The following ATP11C variants were observed in gnomAD, a reference collection of about 807,000 sequenced individuals.
ATP11C encodes the protein ATPase phospholipid transporting 11C (ATP11C blood group).
Under a neutral mutation model 97.4 loss-of-function variants are expected in ATP11C, and 36 were observed. That is an observed-to-expected ratio of 0.37 (90% CI 0.28 to 0.49). The LOEUF is 0.49. Ranked by LOEUF, ATP11C falls within the 20% of genes least tolerant of loss-of-function variation. The pLI is 0.98. For missense variants in ATP11C, 730 were observed against 824.6 expected (o/e 0.89, Z 1.40); for synonymous variants, 275 against 290.9 (o/e 0.95, Z 0.56).
chrX:139,933,823 A>T (rs1286401912), upstream of ATP11C, among the ~76,000 whole-genome samples: 1 of 112,402 alleles, frequency 8.9e-6, no homozygotes, highest in Non-Finnish European at 1.9e-5. Flanking sequence ...TTTTCTTTGT[A>T]CCAGGCACTG....
chrX:139,870,781 G>C (rs1368337363), intron 1 of ATP11C, among the ~76,000 whole-genome samples: 1 of 112,099 alleles, frequency 8.9e-6, no homozygotes, highest in Non-Finnish European at 1.9e-5. Context: ...ACGCGGCCAG[G>C]CGCGGTGGCT....
intron 28 of ATP11C, among the ~76,000 whole-genome samples, chrX:139,736,145 T>C (rs187440198): frequency 3.6e-5 from 4 of 111,084 alleles, no homozygotes; most frequent in Non-Finnish European, 7.6e-5. Flanking sequence ...AACTCCGTAC[T>C]TTCAACAGAA....
chrX:139,728,335 C>T lies in ATP11C; in HGVS notation c.*631G>A, dbSNP rs1165024716. Reference sequence around the variant, plus strand: ...CGTAAGTTAACACTTTCCACATAAGCGTTCAAGGTATTTTTTTGGCAAGAA... The same window carrying T: ...CGTAAGTTAACACTTTCCACATAAGTGTTCAAGGTATTTTTTTGGCAAGAA... On this transcript the variant is annotated 3_prime_UTR_variant, in exon 30 of 30. Transcript: ENST00000682941. The T allele has an allele frequency of 8.9e-6, 1 of 112,059 alleles. No individual in the cohort carries two copies. The highest frequency in any genetic ancestry group is 3.2e-5 in the African/African-American group (1 of 30,866). The allele number at this position is 112,059 out of a possible 1,213,427, so 9.2% of individuals were successfully genotyped here. A position where few individuals can be genotyped will look rare whatever the true frequency, so the allele number is the denominator to read the frequency against.
chrX:139,892,782 C>A lies in ATP11C; in HGVS notation c.27+39234G>T, dbSNP rs190697558. On this transcript the variant is annotated intron_variant, in intron 1 of 29. Transcript: ENST00000682941. ...CTAGCAGTCTGAGGTTCCCAAAATT[C>A]TCTCTAACTCAAGACAGGCTAAGAC... is the stretch of plus-strand genomic sequence containing the variant. Among the ~76,000 whole-genome samples the A allele has an allele frequency of 1.7e-3, 190 of 111,666 alleles. 1 individual carries two copies. The highest frequency in any genetic ancestry group is 2.7e-3 in the Non-Finnish European group (143 of 53,167).
At chrX:139,848,182 C>A (rs972665075) in intron 1 of ATP11C, among the ~76,000 whole-genome samples, 2 of 111,739 alleles carry the variant, frequency 1.8e-5, no homozygotes, top group South Asian at 7.6e-4. Context: ...TCACTTATTG[C>A]CCATTGGCTG....
chrX:139,840,735 TTTTAAG>T (rs1381957977), intron 1 of ATP11C, among the ~76,000 whole-genome samples: 6 of 111,922 alleles, frequency 5.4e-5, no homozygotes, highest in African/African-American at 1.9e-4. Flanking sequence ...GCTGTTCTCT[TTTTAAG>T]TTTATCTCAC....
At chrX:139,859,632 C>T (rs1055609575) in intron 1 of ATP11C, among the ~76,000 whole-genome samples, 27 of 111,854 alleles carry the variant, frequency 2.4e-4, no homozygotes, top group African/African-American at 3.2e-5. Context: ...TCAACCCTCA[C>T]GTAAACAGTA....
intron 2 of ATP11C, among the ~76,000 whole-genome samples, chrX:139,823,559 A>G (rs1053778472): frequency 3.6e-5 from 4 of 112,319 alleles, no homozygotes; most frequent in African/African-American, 1.3e-4. Context: ...CTGATGGTTT[A>G]GCATTAAAAA....
intron 1 of ATP11C, among the ~76,000 whole-genome samples, chrX:139,901,536 C>G (rs2084900135): frequency 8.9e-6 from 1 of 111,732 alleles, no homozygotes; most frequent in Non-Finnish European, 1.9e-5. Context: ...GCAACTGAGA[C>G]TAATGCTGGT....
At chrX:139,859,430 TTGAAA>T (rs1200081633) in intron 1 of ATP11C, among the ~76,000 whole-genome samples, 1 of 112,353 alleles carries the variant, frequency 8.9e-6, no homozygotes, top group African/African-American at 3.2e-5. Context: ...TATACATGTA[TTGAAA>T]TATCACTCTA....
At position 139,772,084 on chromosome X, in the gene ATP11C, TC is replaced by T. The variant is rs1341472300; in HGVS notation, c.2216+2605del. Reference sequence around the variant, plus strand: ...GTGGTTTCATGGGCCAGGCCCAGCGTCCCCGTGCTGTGTGTAGCCTAGGGAT... The same window carrying T: ...GTGGTTTCATGGGCCAGGCCCAGCGTCCCGTGCTGTGTGTAGCCTAGGGAT... On this transcript the variant is annotated intron_variant, in intron 19 of 29. Coordinates refer to ENST00000682941, the MANE Select transcript of ATP11C (RefSeq NM_001353812.2). 2.0e-4 allele frequency among the ~76,000 whole-genome samples: 22 copies of T among 111,721 alleles called. No homozygotes were observed. In the East Asian group the frequency reaches 6.0e-3, roughly 30 times the overall value.
chrX:139,935,243 ATC>A (rs1295687573), upstream of ATP11C, among the ~76,000 whole-genome samples: 1 of 112,075 alleles, frequency 8.9e-6, no homozygotes, highest in Non-Finnish European at 1.9e-5. Context: ...CTGCAGCCTA[ATC>A]ACAGGAATTT....
chrX:139,728,825 G>C lies in ATP11C; in HGVS notation c.*141C>G. The C allele has an allele frequency of 1.4e-6, 1 of 726,897 alleles. No homozygotes were observed. Among genetic ancestry groups the C allele is most frequent in the Non-Finnish European group, 2.1e-6 (1 of 474,166 alleles). The allele number at this position is 726,897 out of a possible 1,213,427, so 59.9% of individuals were successfully genotyped here. A position where few individuals can be genotyped will look rare whatever the true frequency, so the allele number is the denominator to read the frequency against. On this transcript the variant is annotated 3_prime_UTR_variant, in exon 30 of 30. Transcript: ENST00000682941. ...CATTTATTGTGAACTCTAGACATGA[G>C]AGTGGTTTAGTGTGTTGCGTATCAA...
intron 22 of ATP11C, among the ~76,000 whole-genome samples, chrX:139,758,200 T>C (rs1603347462): frequency 8.9e-6 from 1 of 112,399 alleles, no homozygotes; most frequent in Admixed American, 9.4e-5. Flanking sequence ...GCAAATCATA[T>C]AGTAGACTGA....
chrX:139,807,953 TA>T (rs60059544), intron 5 of ATP11C, among the ~76,000 whole-genome samples: 1,535 of 76,808 alleles, frequency 0.02, 49 homozygotes, highest in Admixed American at 0.098. Flanking sequence ...CCCTGTCTCT[TA>T]AAAAAAAAAA....
intron 2 of ATP11C, among the ~76,000 whole-genome samples, chrX:139,822,091 A>G (rs1007279022): frequency 2.7e-5 from 3 of 112,595 alleles, no homozygotes; most frequent in Non-Finnish European, 5.6e-5. Flanking sequence ...ATGGCAAAAA[A>G]AAAAGTTAAT....
At chrX:139,858,343 G>A (rs1016708776) in intron 1 of ATP11C, among the ~76,000 whole-genome samples, 10 of 111,671 alleles carry the variant, frequency 9.0e-5, no homozygotes, top group Non-Finnish European at 1.7e-4. Context: ...TCACCTCTAT[G>A]GACATGACTT....
intron 1 of ATP11C, among the ~76,000 whole-genome samples, chrX:139,901,451 T>G (rs1297327444): frequency 1.1e-4 from 12 of 111,552 alleles, no homozygotes; most frequent in Non-Finnish European, 1.9e-4. Flanking sequence ...ACTGTTCTGT[T>G]TCTCAGCAAA....
In ATP11C at chrX:139,782,740, G is replaced by A; in HGVS notation, c.1771-12C>T. 9.1e-7 allele frequency: 1 copy of A among 1,104,590 alleles called. No individual in the cohort carries two copies. Among genetic ancestry groups the A allele is most frequent in the South Asian group, 2.1e-5 (1 of 48,257 alleles). 91.0% of individuals were successfully genotyped at this position (1,104,590 alleles called of 1,213,427 possible). A position where few individuals can be genotyped will look rare whatever the true frequency, so the allele number is the denominator to read the frequency against. On this transcript the variant is annotated splice_polypyrimidine_tract_variant and intron_variant, in intron 17 of 29. Transcript: ENST00000682941. ...GTCCGATACCCATCCTAGGAGTAAA[G>A]TAGGAGATCTGTAGTTATTCTAATA...
Sources: allele counts gnomAD v4.1 joint callset (sites outside exome capture counted in the v4.1 genomes callset), GRCh38; gene constraint gnomAD v4.1.1; transcripts MANE v1.5; gene names NCBI Gene and HGNC (gene_info 2026-07-23, HGNC 2026-07-21).